The following MGAT4C variants were observed in gnomAD, a reference collection of about 807,000 sequenced individuals.
The protein encoded by MGAT4C is MGAT4 family member C, also known as alpha-1,3-mannosyl-glycoprotein 4-beta-N-acetylglucosaminyltransferase C.
MGAT4C carries 19 observed loss-of-function variants against 40.1 expected under a neutral mutation model. That is an observed-to-expected ratio of 0.47 (90% CI 0.33 to 0.70). The LOEUF (loss-of-function observed/expected upper bound fraction) is 0.70, where lower values mean the gene tolerates loss of function less well. Ranked by LOEUF, MGAT4C falls within the 30% of genes least tolerant of loss-of-function variation. The probability of loss-of-function intolerance (pLI) is 0.02; values close to 1 mark genes in which losing one functional copy is unlikely to be tolerated. For synonymous variants in MGAT4C, 181 were observed against 187.1 expected, an observed-to-expected ratio of 0.97 and a Z score of 0.27; for missense variants, 491 against 563.2, an observed-to-expected ratio of 0.87 and a Z score of 1.30.
chr12:86,157,792 T>A (rs1371908996), intron 1 of MGAT4C, among the ~76,000 whole-genome samples: 1 of 152,018 alleles, frequency 6.6e-6, no homozygotes, highest in East Asian at 1.9e-4. Context: ...TCCTGAGAAC[T>A]TACTATCATG....
At chr12:86,209,645 A>G (rs1387701383) in intron 1 of MGAT4C, among the ~76,000 whole-genome samples, 1 of 152,178 alleles carries the variant, frequency 6.6e-6, no homozygotes, top group Non-Finnish European at 1.5e-5. Context: ...TGATTTTAAT[A>G]AAAGATTCTG....
chr12:86,281,002 G>A (rs1953205794), intron 4 of MGAT4C, among the ~76,000 whole-genome samples: 1 of 151,822 alleles, frequency 6.6e-6, no homozygotes, highest in African/African-American at 2.4e-5. Context: ...TTATTGACAT[G>A]GTTATGTCCG....
At chr12:86,147,238 T>C (rs545642400) in intron 1 of MGAT4C, among the ~76,000 whole-genome samples, 57 of 151,824 alleles carry the variant, frequency 3.8e-4, no homozygotes, top group African/African-American at 1.3e-3. Context: ...ATAGCAGAAA[T>C]TTATTAAATT....
At chr12:86,466,762 A>C (rs1957688113) in intron 2 of MGAT4C, among the ~76,000 whole-genome samples, 1 of 152,188 alleles carries the variant, frequency 6.6e-6, no homozygotes, top group Admixed American at 6.5e-5. Context: ...CAGATAATTG[A>C]GGAGTCTATG....
intron 2 of MGAT4C, among the ~76,000 whole-genome samples, chr12:86,593,179 A>AATTC (rs1222097454): frequency 1.3e-5 from 2 of 152,052 alleles, no homozygotes; most frequent in Admixed American, 6.6e-5. Flanking sequence ...AATTGTTCAT[A>AATTC]ATATTTATTT....
intron 2 of MGAT4C, among the ~76,000 whole-genome samples, chr12:86,698,369 GTGTC>G (rs971307909): frequency 2.0e-5 from 3 of 151,968 alleles, no homozygotes; most frequent in Non-Finnish European, 2.9e-5. Context: ...GTTTGTGTGT[GTGTC>G]TATGTGTGTG....
At chr12:86,289,624 C>T (rs552798517) in intron 4 of MGAT4C, among the ~76,000 whole-genome samples, 1 of 152,200 alleles carries the variant, frequency 6.6e-6, no homozygotes, top group South Asian at 2.1e-4. Flanking sequence ...CATTCACCTC[C>T]CTGGCTAGCT....
chr12:86,401,260 A>ATG lies in MGAT4C; in HGVS notation c.-120+33895_-120+33896dup, dbSNP rs10548304. Among the ~76,000 whole-genome samples the ATG allele has an allele frequency of 4.3e-3, 637 of 148,088 alleles. 4 individuals are homozygous for ATG. Among genetic ancestry groups the ATG allele is most frequent in the Middle Eastern group, 0.01 (3 of 288 alleles). ...CTAAAGTTGTAGATAACATATATAT[A>ATG]TGTGTGTGTGTGTGTGTGTGTATGT... On this transcript the variant is annotated intron_variant, in intron 3 of 7. Coordinates refer to the MGAT4C transcript ENST00000548651.
At chr12:86,218,046 A>C (rs1950737618) in intron 1 of MGAT4C, among the ~76,000 whole-genome samples, 1 of 152,098 alleles carries the variant, frequency 6.6e-6, no homozygotes, top group Non-Finnish European at 1.5e-5. Context: ...TGCTAAAACG[A>C]GAACTTTTTT....
At chr12:86,717,813 T>C (rs930694976) in intron 2 of MGAT4C, among the ~76,000 whole-genome samples, 2 of 152,182 alleles carry the variant, frequency 1.3e-5, no homozygotes, top group Admixed American at 1.3e-4. Flanking sequence ...ATTTTGATGA[T>C]TTTGCAGTGT....
rs117045994 is a variant in MGAT4C at position 86,482,393 on chromosome 12, T to C, written c.-228-47128A>G. On this transcript the variant is annotated intron_variant, in intron 2 of 7. Transcript: ENST00000548651. ...AATTCTCAGCAGATTGACATAGTTA[T>C]AATGTTTTCTATAATTATCAACTTG... 1.8e-3 allele frequency among the ~76,000 whole-genome samples: 275 copies of C among 152,242 alleles called. 1 individual carries two copies. The highest frequency in any genetic ancestry group is 3.1e-3 in the Non-Finnish European group (208 of 67,970).
chr12:86,086,483 T>A (rs1871870777), intron 1 of MGAT4C, among the ~76,000 whole-genome samples: 1 of 152,068 alleles, frequency 6.6e-6, no homozygotes, highest in African/African-American at 2.4e-5. Flanking sequence ...CATGTATACC[T>A]ATGTAACAAA....
At chr12:86,670,235 T>A (rs912624549) in intron 2 of MGAT4C, among the ~76,000 whole-genome samples, 1 of 151,874 alleles carries the variant, frequency 6.6e-6, no homozygotes, top group African/African-American at 2.4e-5. Context: ...AAATGAAAGA[T>A]GAAAAATTCA....
At chr12:86,680,040 C>A (rs1949951318) in intron 2 of MGAT4C, among the ~76,000 whole-genome samples, 1 of 151,864 alleles carries the variant, frequency 6.6e-6, no homozygotes, top group African/African-American at 2.4e-5. Context: ...TCTTTCTATC[C>A]CCTTTTCTGG....
rs1410338638 is a variant in MGAT4C at position 85,962,113 on chromosome 12, A to G, written c.*17176T>C. On this transcript the variant is annotated 3_prime_UTR_variant, in exon 5 of 5. Coordinates refer to ENST00000611864, the MANE Select transcript of MGAT4C (RefSeq NM_001351288.2). Reference sequence around the variant, plus strand: ...ATAACTTACGAAAGGATAGATTCCAATGTCAGTGGGTGAGATGTGCTCTAG... The same window carrying G: ...ATAACTTACGAAAGGATAGATTCCAGTGTCAGTGGGTGAGATGTGCTCTAG... The G allele has an allele frequency of 1.3e-5, 2 of 151,852 alleles. No homozygotes were observed. Among genetic ancestry groups the G allele is most frequent in the Admixed American group, 6.6e-5 (1 of 15,220 alleles). The allele number at this position is 151,852 out of a possible 1,614,324, so 9.4% of individuals were successfully genotyped here.
At chr12:86,614,194 C>G (rs1191503894) in intron 2 of MGAT4C, among the ~76,000 whole-genome samples, 1 of 152,090 alleles carries the variant, frequency 6.6e-6, no homozygotes, top group Non-Finnish European at 1.5e-5. Context: ...TGGTTCTATC[C>G]AGTGTGTTTT....
chr12:86,699,576 G>T (rs1051984939), intron 2 of MGAT4C, among the ~76,000 whole-genome samples: 2 of 151,980 alleles, frequency 1.3e-5, no homozygotes, highest in Non-Finnish European at 2.9e-5. Context: ...GGTAGGAGCT[G>T]TTAACCCCAG....
rs1164642759 is a variant in MGAT4C at position 86,710,760 on chromosome 12, G to A, written c.-229+16449C>T. Among the ~76,000 whole-genome samples the A allele has an allele frequency of 5.3e-5, 8 of 152,206 alleles. No homozygotes were observed. In the East Asian group the frequency reaches 9.7e-4, roughly 18 times the overall value. On this transcript the variant is annotated intron_variant, in intron 2 of 7. Coordinates refer to the MGAT4C transcript ENST00000548651. ...ACAAATGTTTATAGCAGCACAATTC[G>A]CAATTGCAAATATGGAACCAACTTA...
intron 2 of MGAT4C, among the ~76,000 whole-genome samples, chr12:86,681,642 G>T (rs1226444251): frequency 6.6e-6 from 1 of 151,830 alleles, no homozygotes; most frequent in Non-Finnish European, 1.5e-5. Flanking sequence ...TACAAGCAAA[G>T]AAATTAGCAA....
Sources: allele counts gnomAD v4.1 joint callset (sites outside exome capture counted in the v4.1 genomes callset), GRCh38; gene constraint gnomAD v4.1.1; transcripts MANE v1.5; gene names NCBI Gene and HGNC (gene_info 2026-07-23, HGNC 2026-07-21).